ROBO1: variants seen among roughly 807,000 people sequenced by gnomAD.
The protein encoded by ROBO1 is roundabout guidance receptor 1.
A neutral mutation model predicts 195.9 loss-of-function variants in ROBO1; 149 were observed. The observed-to-expected ratio is 0.76, with a 90% confidence interval of 0.67 to 0.87. The LOEUF is 0.87. Ranked by LOEUF, ROBO1 falls within the 40% of genes least tolerant of loss-of-function variation. The pLI, the probability that ROBO1 is intolerant of heterozygous loss-of-function variation, is 0.00. For synonymous variants in ROBO1, 816 were observed against 733.2 expected, an observed-to-expected ratio of 1.11 and a Z score of -1.82; for missense variants, 1,933 against 2,068.3, an observed-to-expected ratio of 0.93 and a Z score of 1.27.
chr3:79,755,406 T>C (rs1257911443), intron 1 of ROBO1, among the ~76,000 whole-genome samples: 1 of 152,032 alleles, frequency 6.6e-6, no homozygotes, highest in Non-Finnish European at 1.5e-5. Context: ...AATGGGTTAC[T>C]CTTCTGAAAA....
intron 5 of ROBO1, among the ~76,000 whole-genome samples, chr3:78,734,920 C>T (rs1033861565): frequency 6.6e-5 from 10 of 152,022 alleles, no homozygotes; most frequent in South Asian, 2.1e-4. Context: ...AGTCAGTTTA[C>T]GTAAAGATAT....
intron 1 of ROBO1, among the ~76,000 whole-genome samples, chr3:79,647,774 G>T (rs1945875967): frequency 6.6e-6 from 1 of 152,026 alleles, no homozygotes; most frequent in South Asian, 2.1e-4. Flanking sequence ...ATGAGATACA[G>T]CAGGTCCTCA....
chr3:79,479,597 T>G (rs1201036076), intron 2 of ROBO1, among the ~76,000 whole-genome samples: 1 of 151,956 alleles, frequency 6.6e-6, no homozygotes, highest in Non-Finnish European at 1.5e-5. Flanking sequence ...TGGTAGAACT[T>G]AAATATCTGT....
intron 2 of ROBO1, among the ~76,000 whole-genome samples, chr3:79,338,488 C>G (rs2034775531): frequency 6.6e-6 from 1 of 152,108 alleles, no homozygotes; most frequent in Non-Finnish European, 1.5e-5. Context: ...TTCAGAGTCA[C>G]TTCTATAGTT....
At chr3:79,454,437 G>A (rs1002571274) in intron 2 of ROBO1, among the ~76,000 whole-genome samples, 1 of 151,956 alleles carries the variant, frequency 6.6e-6, no homozygotes, top group African/African-American at 2.4e-5. Flanking sequence ...ACTTACAGAC[G>A]TAAACTGAAG....
intron 4 of ROBO1, among the ~76,000 whole-genome samples, chr3:78,858,379 CCAAA>C (rs1259005147): frequency 1.3e-5 from 2 of 151,940 alleles, no homozygotes; most frequent in Non-Finnish European, 2.9e-5. Flanking sequence ...TGTCACTAGC[CCAAA>C]CAATGTCATG....
At chr3:78,692,277 C>G (rs2081192311) in intron 8 of ROBO1, among the ~76,000 whole-genome samples, 1 of 151,674 alleles carries the variant, frequency 6.6e-6, no homozygotes, top group Admixed American at 6.6e-5. Context: ...GTTTTTTTCT[C>G]TTTCTGAGGC....
intron 2 of ROBO1, among the ~76,000 whole-genome samples, chr3:79,576,455 G>C (rs1211209988): frequency 6.6e-6 from 1 of 151,854 alleles, no homozygotes; most frequent in East Asian, 1.9e-4. Flanking sequence ...TCAATATACA[G>C]GACATTGTAT....
chr3:79,697,462 T>C (rs1947481014), intron 1 of ROBO1, among the ~76,000 whole-genome samples: 1 of 151,490 alleles, frequency 6.6e-6, no homozygotes, highest in Non-Finnish European at 1.5e-5. Context: ...AAAATTACAT[T>C]CAATTATTAT....
chr3:79,061,868 T>A (rs2078924535), intron 3 of ROBO1, among the ~76,000 whole-genome samples: 1 of 152,174 alleles, frequency 6.6e-6, no homozygotes, highest in Admixed American at 6.6e-5. Context: ...ATTAAAGACT[T>A]AAATGTTAGA....
chr3:78,700,247 G>T (rs538146469), intron 8 of ROBO1, among the ~76,000 whole-genome samples: 1 of 152,228 alleles, frequency 6.6e-6, no homozygotes, highest in African/African-American at 2.4e-5. Flanking sequence ...ATAGATATTT[G>T]TGTGTATCTC....
intron 1 of ROBO1, among the ~76,000 whole-genome samples, chr3:79,733,880 T>C (rs973792532): frequency 5.3e-5 from 8 of 152,112 alleles, no homozygotes; most frequent in Admixed American, 3.9e-4. Context: ...ATTTTCCCCC[T>C]TACATAACAC....
chr3:79,222,605 G>A (rs2082159275), intron 2 of ROBO1, among the ~76,000 whole-genome samples: 1 of 150,502 alleles, frequency 6.6e-6, no homozygotes, highest in Admixed American at 6.6e-5. Flanking sequence ...GATAACATTT[G>A]TGGATTGTAA....
intron 1 of ROBO1, among the ~76,000 whole-genome samples, chr3:79,704,431 T>A (rs1332464556): frequency 6.6e-6 from 1 of 152,000 alleles, no homozygotes; most frequent in East Asian, 1.9e-4. Context: ...ATGACTAGAA[T>A]CATACAGCTG....
chr3:78,945,498 C>A (rs1169247625), intron 3 of ROBO1, among the ~76,000 whole-genome samples: 1 of 152,080 alleles, frequency 6.6e-6, no homozygotes, highest in Admixed American at 6.6e-5. Flanking sequence ...GAAAGGACAT[C>A]CACACCAAAA....
In ROBO1 at chr3:79,589,810, T is replaced by G. The variant is rs2107817698; in HGVS notation, c.88+14A>C. ...ACTGGTTAAGTATTGATGAAACAAA[T>G]GCACAGCACTTACCTGGAATAAGCT... is the stretch of plus-strand genomic sequence containing the variant. On this transcript the variant is annotated intron_variant, in intron 2 of 30. Coordinates refer to ENST00000464233, the MANE Select transcript of ROBO1 (RefSeq NM_002941.4). The G allele has an allele frequency of 6.2e-7, 1 of 1,602,030 alleles. No homozygotes were observed. Among genetic ancestry groups the G allele is most frequent in the South Asian group, 1.1e-5 (1 of 90,616 alleles).
At chr3:79,145,557 G>A (rs1200576985) in intron 2 of ROBO1, among the ~76,000 whole-genome samples, 1 of 151,876 alleles carries the variant, frequency 6.6e-6, no homozygotes, top group Non-Finnish European at 1.5e-5. Context: ...ATAAGACTTT[G>A]TAACAAACCT....
chr3:79,065,215 T>C (rs1466900368), intron 3 of ROBO1, among the ~76,000 whole-genome samples: 3 of 151,954 alleles, frequency 2.0e-5, no homozygotes, highest in Admixed American at 6.6e-5. Context: ...CCTTAAGAGA[T>C]ATAGAAGAGG....
intron 1 of ROBO1, among the ~76,000 whole-genome samples, chr3:79,686,444 G>A (rs1380232507): frequency 6.6e-6 from 1 of 152,188 alleles, no homozygotes; most frequent in African/African-American, 2.4e-5. Flanking sequence ...CCTGTTTGCA[G>A]ATGACATGAT....
Sources: allele counts gnomAD v4.1 joint callset (sites outside exome capture counted in the v4.1 genomes callset), GRCh38; gene constraint gnomAD v4.1.1; transcripts MANE v1.5; gene names NCBI Gene and HGNC (gene_info 2026-07-23, HGNC 2026-07-21).